The following RGS6 variants were observed in gnomAD, a reference collection of about 807,000 sequenced individuals.
The protein encoded by RGS6 is regulator of G-protein signaling 6.
A neutral mutation model predicts 78.5 loss-of-function variants in RGS6; 30 were observed. The observed-to-expected ratio is 0.38, with a 90% CI of 0.29 to 0.52. The LOEUF (loss-of-function observed/expected upper bound fraction) is 0.52, where lower values mean the gene tolerates loss of function less well. RGS6 is among the 20% of genes least tolerant of loss of function. The pLI, the probability that RGS6 is intolerant of heterozygous loss-of-function variation, is 0.85. For synonymous variants in RGS6, 206 were observed against 206.0 expected, an observed-to-expected ratio of 1.00 and a Z score of 0.00; for missense variants, 495 against 609.7, an observed-to-expected ratio of 0.81 and a Z score of 1.98.
chr14:72,316,729 C>G (rs1439160261), intron 2 of RGS6, among the ~76,000 whole-genome samples: 1 of 152,168 alleles, frequency 6.6e-6, no homozygotes, highest in African/African-American at 2.4e-5. Context: ...CCTTATTACA[C>G]AAGAATAATC....
intron 17 of RGS6, among the ~76,000 whole-genome samples, chr14:72,556,296 AAG>A (rs1311514080): frequency 1.3e-5 from 2 of 152,302 alleles, no homozygotes; most frequent in South Asian, 4.1e-4. Flanking sequence ...GGCAGCAGGC[AAG>A]AGAGAGCGAG....
At chr14:72,257,448 T>G (rs767682130) in intron 2 of RGS6, among the ~76,000 whole-genome samples, 1 of 152,130 alleles carries the variant, frequency 6.6e-6, no homozygotes, top group Non-Finnish European at 1.5e-5. Context: ...GCAGGAATCT[T>G]TTGGGTTTCT....
chr14:71,946,405 G>T (rs1248400883), intron 1 of RGS6, among the ~76,000 whole-genome samples: 2 of 152,096 alleles, frequency 1.3e-5, no homozygotes, highest in Non-Finnish European at 2.9e-5. Context: ...AGCTGGCCTG[G>T]GGTCTCTGCT....
chr14:72,442,269 G>A (rs2095232585), intron 3 of RGS6, among the ~76,000 whole-genome samples: 1 of 152,030 alleles, frequency 6.6e-6, no homozygotes, highest in African/African-American at 2.4e-5. Context: ...CGTTTGACCT[G>A]GATATAAATG....
chr14:71,954,986 G>A lies in RGS6; in HGVS notation c.-20-9786G>A, dbSNP rs74672312. Among the ~76,000 whole-genome samples, 1,463 of 152,216 alleles carry A rather than the reference G, an allele frequency of 9.6e-3. 25 individuals carry two copies. The highest frequency in any genetic ancestry group is 0.033 in the African/African-American group (1,384 of 41,538). ...TCACCATGCGTTGTAATTTTTTGTT[G>A]AAAGCCAGACATGATGTGTTGGGTC... On this transcript the variant is annotated intron_variant, in intron 1 of 17. Transcript: ENST00000553525.
At chr14:72,448,734 A>G (rs2095425591) in intron 3 of RGS6, among the ~76,000 whole-genome samples, 1 of 152,210 alleles carries the variant, frequency 6.6e-6, no homozygotes, top group African/African-American at 2.4e-5. Context: ...AAAAAACTGA[A>G]TACATACAGA....
At chr14:72,007,575 T>C (rs1197718109) in intron 2 of RGS6, among the ~76,000 whole-genome samples, 1 of 152,198 alleles carries the variant, frequency 6.6e-6, no homozygotes, top group East Asian at 1.9e-4. Flanking sequence ...TATTTTTATT[T>C]TTATTTTTTA....
intron 3 of RGS6, among the ~76,000 whole-genome samples, chr14:72,393,398 T>G (rs2090457138): frequency 6.6e-6 from 1 of 152,144 alleles, no homozygotes; most frequent in African/African-American, 2.4e-5. Flanking sequence ...ATTTTTAGGG[T>G]GCACCCAAGG....
chr14:72,566,116 A>G lies in RGS6; in HGVS notation c.*3649A>G, dbSNP rs1465128877. ...AAGAGAGGCCTGTGCTCGTGTAACCATAGCAACAGCAGATGCCAGCAACCT... is the reference window on the plus strand; with the variant it reads ...AAGAGAGGCCTGTGCTCGTGTAACCGTAGCAACAGCAGATGCCAGCAACCT... On this transcript the variant is annotated 3_prime_UTR_variant, in exon 18 of 18. Coordinates refer to ENST00000553525, the MANE Select transcript of RGS6 (RefSeq NM_001204424.2). 3.9e-5 allele frequency: 6 copies of G among 152,222 alleles called. No homozygotes were observed. Among genetic ancestry groups the G allele is most frequent in the Non-Finnish European group, 8.8e-5 (6 of 68,046 alleles). The allele number at this position is 152,222 out of a possible 1,614,324, so 9.4% of individuals were successfully genotyped here.
intron 4 of RGS6, among the ~76,000 whole-genome samples, chr14:72,457,178 A>G (rs12881810): frequency 0.28 from 42,753 of 151,716 alleles, 6,994 homozygotes; most frequent in East Asian, 0.62. Context: ...AGTTACATGT[A>G]TGTTTCTTTC....
intron 2 of RGS6, among the ~76,000 whole-genome samples, chr14:72,114,475 G>A (rs942042879): frequency 6.6e-6 from 1 of 152,284 alleles, no homozygotes; most frequent in Admixed American, 6.5e-5. Context: ...TAAACTGTCA[G>A]ATTCTGCTAA....
chr14:72,442,549 C>T (rs1566858610), intron 3 of RGS6, among the ~76,000 whole-genome samples: 2 of 152,198 alleles, frequency 1.3e-5, no homozygotes, highest in African/African-American at 4.8e-5. Context: ...CTGTCTTATT[C>T]ATCATTGCTG....
chr14:72,425,096 C>A (rs1423176094), intron 3 of RGS6, among the ~76,000 whole-genome samples: 1 of 152,106 alleles, frequency 6.6e-6, no homozygotes, highest in Non-Finnish European at 1.5e-5. Context: ...GAGCATAATA[C>A]CAAAGGCAGA....
chr14:71,887,199 T>G, the RGS6 span, among the ~76,000 whole-genome samples: 7 of 152,244 alleles, frequency 4.6e-5, no homozygotes, highest in African/African-American at 1.7e-4. Context: ...TTTAATTTCT[T>G]AATCCTGTTA....
chr14:72,054,812 C>T (rs77468035), intron 2 of RGS6, among the ~76,000 whole-genome samples: 11,544 of 152,226 alleles, frequency 0.076, 664 homozygotes, highest in Non-Finnish European at 0.12. Context: ...TACATGTAGC[C>T]TTAAGCAATA....
chr14:72,110,632 A>G (rs1309106562), intron 2 of RGS6, among the ~76,000 whole-genome samples: 3 of 152,202 alleles, frequency 2.0e-5, no homozygotes, highest in African/African-American at 7.2e-5. Context: ...ACTTGTGCAA[A>G]CATGGACATT....
At chr14:72,096,837 G>A (rs1010133763) in intron 2 of RGS6, among the ~76,000 whole-genome samples, 5 of 152,222 alleles carry the variant, frequency 3.3e-5, no homozygotes, top group Admixed American at 3.3e-4. Context: ...AGTTCCCAAG[G>A]ACGTGGATAC....
chr14:72,148,529 A>T (rs923434451), intron 2 of RGS6, among the ~76,000 whole-genome samples: 3 of 152,210 alleles, frequency 2.0e-5, no homozygotes, highest in Admixed American at 2.0e-4. Context: ...TGGTAGTAAG[A>T]TCATCCAGGG....
chr14:72,484,315 T>G (rs2096446377), intron 12 of RGS6, among the ~76,000 whole-genome samples: 1 of 152,184 alleles, frequency 6.6e-6, no homozygotes. Flanking sequence ...TTTTGTTTGT[T>G]TGTTTGTTTG....
Sources: gnomAD v4.1 joint callset for allele counts (sites outside exome capture counted in the v4.1 genomes callset) on GRCh38, gnomAD v4.1.1 for gene constraint, MANE v1.5 for transcripts, NCBI Gene and HGNC (gene_info 2026-07-23, HGNC 2026-07-21) for gene names.